The following SLC3A1 variants were observed in gnomAD, a reference collection of about 807,000 sequenced individuals.
SLC3A1 encodes solute carrier family 3 member 1, also known as amino acid transporter heavy chain SLC3A1.
Under a neutral mutation model 60.3 loss-of-function variants are expected in SLC3A1, and 78 were observed. The ratio of observed to expected loss-of-function variants is 1.29; its 90% CI spans 1.08 to 1.56. The LOEUF (loss-of-function observed/expected upper bound fraction) is 1.56, where lower values mean the gene tolerates loss of function less well. Among genes scored for constraint, SLC3A1 ranks in the 40% most tolerant of loss-of-function variants. The probability of loss-of-function intolerance (pLI) is 0.00; values close to 1 mark genes in which losing one functional copy is unlikely to be tolerated. For synonymous variants in SLC3A1, 392 were observed against 307.9 expected (o/e 1.27, Z -2.86); for missense variants, 1,172 against 858.9 (o/e 1.36, Z -4.56).
chr2:44,314,025 C>T, intron 9 of SLC3A1, 74 bp downstream of exon 9: 1 of 1,603,650 alleles, frequency 6.2e-7, no homozygotes, highest in African/African-American at 1.3e-5. Context: ...ACACACTCAC[C>T]CTGAATGTGT....
chr2:44,312,526 G>C (rs959853657), intron 7 of SLC3A1, 60 bp from the exon 8 acceptor site: 15 of 1,563,282 alleles, frequency 9.6e-6, no homozygotes, highest in Admixed American at 8.3e-5. Context: ...CTGTGAAATA[G>C]GGTAAATCTT....
chr2:44,280,869 A>G lies in SLC3A1; in HGVS notation c.584A>G (p.Asn195Ser). ...PIFGTMEDFE[N>S]LVAAIHDKGL... ...TTTGGAACGATGGAAGATTTTGAGA[A>G]TCTGGTTGCAGCCATACATGATAAA... Residue 195 changes from asparagine to serine, a missense_variant, in exon 2 of 10, where the codon AAT (asparagine) becomes AGT (serine). By Grantham distance (46) the Asn-to-Ser change is conservative. Transcript: ENST00000260649. 6.2e-7 allele frequency: 1 copy of G among 1,614,126 alleles called. No individual in the cohort carries two copies. The highest frequency in any genetic ancestry group is 8.5e-7 in the Non-Finnish European group (1 of 1,180,002).
At chr2:44,314,969 T>C (rs1327763624) in intron 9 of SLC3A1, 6 of 145,336 alleles carry the variant, frequency 4.1e-5, no homozygotes, top group African/African-American at 1.3e-4. Flanking sequence ...TTTGCTTTTG[T>C]TGCCCGGGCT....
Position 44,313,874 on chromosome 2 carries a change from A to G in SLC3A1, c.1540A>G (p.Ser514Gly). Residue 514 changes from serine to glycine, a missense_variant, in exon 9 of 10, where the codon AGT becomes GGT. Physicochemically the swap from Ser to Gly is moderately conservative, Grantham distance 56. Coordinates refer to ENST00000260649, the MANE Select transcript of SLC3A1 (RefSeq NM_000341.4). ...AAAGTCACCAATGCAGTGGGACAATAGTTCAAATGCTGGTTTTTCTGAAGC... is the reference window on the plus strand; with the variant it reads ...AAAGTCACCAATGCAGTGGGACAATGGTTCAAATGCTGGTTTTTCTGAAGC... ...RSKSPMQWDN[S>G]SNAGFSEASN... 1.2e-6 allele frequency: 2 copies of G among 1,614,096 alleles called. No homozygotes were observed. The highest frequency in any genetic ancestry group is 1.7e-6 in the Non-Finnish European group (2 of 1,179,958).
chr2:44,304,873 G>C (rs572550613), intron 7 of SLC3A1, among the ~76,000 whole-genome samples: 1 of 142,372 alleles, frequency 7.0e-6, no homozygotes, highest in South Asian at 2.2e-4. Flanking sequence ...CCAGCCTGGA[G>C]TGCAATGGTG....
rs1671607911 is a variant in SLC3A1 at position 44,286,140 on chromosome 2, G to A, written c.874G>A (p.Val292Ile). The A allele has an allele frequency of 3.7e-6, 6 of 1,613,880 alleles. No homozygotes were observed. The African/African-American group carries it at 4.0e-5, about 11-fold the overall frequency. The part of the protein sequence containing the change: ...QPDLNFRNPD[V>I]QEEIKEILRF... ...TGATTTAAATTTCCGCAATCCTGAT[G>A]TTCAAGAAGAAATAAAAGTGAGTAT... is the stretch of plus-strand genomic sequence containing the variant. The change falls in exon 4 of 10, where the codon GTT becomes ATT. Residue 292 changes from valine (V) to isoleucine (I), a missense_variant. Val to Ile is a conservative substitution (Grantham distance 29). Transcript: ENST00000260649.
chr2:44,304,199 G>C lies in SLC3A1; in HGVS notation c.1193G>C (p.Gly398Ala). ...ATTGACAGGACCGTGATGTACTATG[G>C]ATTGCCATTTATCCAAGAAGCTGAT... ...ESIDRTVMYYGLPFIQEADFP... is the reference protein window; with the variant it reads ...ESIDRTVMYYALPFIQEADFP... Residue 398 changes from glycine (G) to alanine (A), a missense_variant, in exon 7 of 10, where the codon GGA becomes GCA. Physicochemically the swap from Gly to Ala is moderately conservative, Grantham distance 60. Transcript: ENST00000260649. 1 of 1,614,096 alleles carries C rather than the reference G, an allele frequency of 6.2e-7. No homozygotes were observed. Among genetic ancestry groups the C allele is most frequent in the Middle Eastern group, 1.6e-4 (1 of 6,062 alleles).
rs947752517 is a variant in SLC3A1 at position 44,320,684 on chromosome 2, G to T, written c.*45G>T. ...AAGACACTGGCATTTCAGTGGGATT[G>T]TAAGCATTTGTAATAGCTTCATGTA... is the stretch of plus-strand genomic sequence containing the variant. On this transcript the variant is annotated 3_prime_UTR_variant, in exon 10 of 10. Coordinates refer to ENST00000260649, the MANE Select transcript of SLC3A1 (RefSeq NM_000341.4). The T allele has an allele frequency of 4.9e-6, 7 of 1,415,926 alleles. No homozygotes were observed. The highest frequency in any genetic ancestry group is 1.7e-5 in the Admixed American group (1 of 59,702). 87.7% of individuals were successfully genotyped at this position (1,415,926 alleles called of 1,614,324 possible).
chr2:44,318,794 A>G (rs1335547513), intron 9 of SLC3A1: 1 of 152,222 alleles, frequency 6.6e-6, no homozygotes, highest in Non-Finnish European at 1.5e-5. Context: ...AGCAGACAAA[A>G]TATAGTTCAA....
intron 3 of SLC3A1, among the ~76,000 whole-genome samples, chr2:44,284,183 G>A (rs1487058936): frequency 2.6e-5 from 4 of 152,052 alleles, no homozygotes; most frequent in Non-Finnish European, 4.4e-5. Flanking sequence ...CAGTTCAAGC[G>A]ATTCTCCTGC....
chr2:44,311,218 G>A (rs1178000366), intron 7 of SLC3A1, among the ~76,000 whole-genome samples: 1 of 152,134 alleles, frequency 6.6e-6, no homozygotes, highest in African/African-American at 2.4e-5. Context: ...TTTAGCTATT[G>A]TACTTTTTAA....
At position 44,320,636 on chromosome 2, in the gene SLC3A1, T is replaced by C. The variant is rs1672855406; in HGVS notation, c.2055T>C (p.Cys685=). 2 of 1,612,714 alleles carry C rather than the reference T, an allele frequency of 1.2e-6. No individual in the cohort carries two copies. Among genetic ancestry groups the C allele is most frequent in the South Asian group, 1.1e-5 (1 of 91,052 alleles). The change falls in exon 10 of 10, where the codon TGT becomes TGC. Residue 685 remains cysteine (C), a synonymous_variant. Coordinates refer to ENST00000260649, the MANE Select transcript of SLC3A1 (RefSeq NM_000341.4). The part of the protein sequence containing the change: ...SSVLNILYTS[C] ...TACTGAACATACTGTATACCTCGTG[T>C]TAGGCACCTTTATGAAGAGATGAAG...
intron 4 of SLC3A1, among the ~76,000 whole-genome samples, chr2:44,290,718 C>T (rs552122074): frequency 6.8e-6 from 1 of 146,948 alleles, no homozygotes; most frequent in African/African-American, 2.6e-5. Flanking sequence ...TTGGTGTTTC[C>T]AGAATTTGTA....
chr2:44,311,916 G>C (rs1441059367), intron 7 of SLC3A1, among the ~76,000 whole-genome samples: 1 of 152,078 alleles, frequency 6.6e-6, no homozygotes, highest in Non-Finnish European at 1.5e-5. Flanking sequence ...GGGAAATATA[G>C]GTGTGAAAGT....
intron 7 of SLC3A1, among the ~76,000 whole-genome samples, chr2:44,311,993 G>C (rs1672310114): frequency 6.6e-6 from 1 of 152,168 alleles, no homozygotes. Context: ...GGGTTATGGA[G>C]AGAGTTGTCA....
At chr2:44,288,314 C>T (rs1572795490) in intron 4 of SLC3A1, among the ~76,000 whole-genome samples, 1 of 152,206 alleles carries the variant, frequency 6.6e-6, no homozygotes. Flanking sequence ...GTATGAGCCA[C>T]TGCACCTGGC....
intron 8 of SLC3A1, 45 bp downstream of exon 8, chr2:44,312,798 A>G (rs1672332243): frequency 1.3e-6 from 2 of 1,535,628 alleles, no homozygotes; most frequent in African/African-American, 3.2e-5. Flanking sequence ...TATAAAACCA[A>G]GTATTCATTT....
chr2:44,301,166 A>T (rs535066770), intron 6 of SLC3A1, 39 bp downstream of exon 6: 2 of 1,613,768 alleles, frequency 1.2e-6, no homozygotes, highest in South Asian at 2.2e-5. Context: ...TCCCAGGCTT[A>T]GTGTGTGATC....
chr2:44,321,871 T>A (rs200605467), downstream of SLC3A1: 19 of 1,613,666 alleles, frequency 1.2e-5, no homozygotes, highest in African/African-American at 1.6e-4. Flanking sequence ...CCAGGCTGAA[T>A]ATCTAGAATA....
Sources: allele counts gnomAD v4.1 joint callset (sites outside exome capture counted in the v4.1 genomes callset), GRCh38; gene constraint gnomAD v4.1.1; transcripts MANE v1.5; gene names NCBI Gene and HGNC (gene_info 2026-07-23, HGNC 2026-07-21).